The following ARRDC5 variants were observed in gnomAD, a reference collection of about 807,000 sequenced individuals.
ARRDC5 encodes the protein arrestin domain containing 5, also known as arrestin domain-containing protein 5.
ARRDC5 carries 12 observed loss-of-function variants against 13.3 expected under a neutral mutation model. The observed-to-expected ratio is 0.90, with a 90% CI of 0.58 to 1.46. The LOEUF is 1.46. Ranked by LOEUF, ARRDC5 falls within the 40% of genes most tolerant of loss-of-function variation. ARRDC5 has a pLI of 0.00. For synonymous variants in ARRDC5, 181 were observed against 173.4 expected (o/e 1.04, Z -0.34); for missense variants, 406 against 418.7 (o/e 0.97, Z 0.26).
chr19:4,913,898 A>G, the ARRDC5 span, among the ~76,000 whole-genome samples: 2 of 126,150 alleles, frequency 1.6e-5, no homozygotes, highest in Non-Finnish European at 3.2e-5. Context: ...CTCAACCTCC[A>G]CCTCCTGGGT....
chr19:4,900,116 C>G, intron 1 of ARRDC5, among the ~76,000 whole-genome samples: 1 of 147,292 alleles, frequency 6.8e-6, no homozygotes, highest in South Asian at 2.2e-4. Context: ...CCGCGCCCGG[C>G]CAGCAGTCTT....
At chr19:4,914,550 G>A in the ARRDC5 span, among the ~76,000 whole-genome samples, 1 of 152,096 alleles carries the variant, frequency 6.6e-6, no homozygotes, top group Admixed American at 6.6e-5. Flanking sequence ...TGACAGTGAT[G>A]TCACTTGATG....
the ARRDC5 span, chr19:4,909,229 C>G: frequency 1.4e-5 from 7 of 499,664 alleles, no homozygotes; most frequent in African/African-American, 4.1e-5. Flanking sequence ...CCTGGGGGTC[C>G]CCAAGGCTCC....
chr19:4,896,313 CAAAAAAAAAA>C (rs559677827), intron 2 of ARRDC5, among the ~76,000 whole-genome samples: 1 of 54,124 alleles, frequency 1.8e-5, no homozygotes, highest in African/African-American at 7.4e-5. Flanking sequence ...GACTGCATCT[CAAAAAAAAAA>C]AAAAAAATAT....
chr19:4,907,172 C>T (rs1012822923), upstream of ARRDC5, among the ~76,000 whole-genome samples: 3 of 152,170 alleles, frequency 2.0e-5, no homozygotes, highest in East Asian at 3.8e-4. Context: ...TACACTGGCT[C>T]GATCTTGGCT....
At position 4,896,552 on chromosome 19, in the gene ARRDC5, G is replaced by A. The variant is rs1435492584; in HGVS notation, c.459+119C>T. The A allele has an allele frequency of 4.2e-6, 3 of 718,372 alleles. No individual in the cohort carries two copies. In the Admixed American group the frequency reaches 8.1e-5, roughly 19 times the overall value. 44.5% of individuals were successfully genotyped at this position (718,372 alleles called of 1,614,324 possible). ...TTTGTGAAATCTCGGGGCCTGGGAA[G>A]CTGCCAACACCCTTCCCTTCTCCCC... On this transcript the variant is annotated intron_variant, in intron 2 of 2. Coordinates refer to ENST00000650722, the MANE Select transcript of ARRDC5 (RefSeq NM_001080523.3).
At chr19:4,912,823 G>A in the ARRDC5 span, among the ~76,000 whole-genome samples, 2 of 152,046 alleles carry the variant, frequency 1.3e-5, no homozygotes, top group Admixed American at 6.6e-5. Context: ...GCAGTGGCAC[G>A]ATCACAGCTC....
At chr19:4,909,208 G>A in the ARRDC5 span, 3 of 468,064 alleles carry the variant, frequency 6.4e-6, no homozygotes, top group African/African-American at 6.2e-5. Flanking sequence ...AAGAGTTCAG[G>A]GGGTCTGTAC....
upstream of ARRDC5, among the ~76,000 whole-genome samples, chr19:4,905,053 A>G (rs1402853696): frequency 1.4e-5 from 2 of 146,048 alleles, no homozygotes; most frequent in African/African-American, 5.0e-5. Flanking sequence ...CCCCTGACCC[A>G]CGGGCCACAT....
upstream of ARRDC5, among the ~76,000 whole-genome samples, chr19:4,905,699 G>T (rs2032052460): frequency 6.6e-6 from 1 of 151,900 alleles, no homozygotes; most frequent in Admixed American, 6.6e-5. Flanking sequence ...TGTATTTTTA[G>T]TAGAGACGGG....
intron 2 of ARRDC5, among the ~76,000 whole-genome samples, chr19:4,894,790 G>T: frequency 6.6e-6 from 1 of 151,962 alleles, no homozygotes; most frequent in Non-Finnish European, 1.5e-5. Flanking sequence ...ACTGCAGGAA[G>T]TCAGGTATGT....
At chr19:4,892,455 C>T (rs2031546101) in intron 2 of ARRDC5, among the ~76,000 whole-genome samples, 2 of 149,366 alleles carry the variant, frequency 1.3e-5, no homozygotes, top group Admixed American at 1.4e-4. Context: ...GACTTGACCT[C>T]CTGGACTCAA....
chr19:4,894,475 C>A (rs1250281758), intron 2 of ARRDC5, among the ~76,000 whole-genome samples: 1 of 127,012 alleles, frequency 7.9e-6, no homozygotes, highest in South Asian at 2.7e-4. Flanking sequence ...CCCGCCACTG[C>A]ACTCCAGCCT....
intron 1 of ARRDC5, among the ~76,000 whole-genome samples, chr19:4,902,278 A>G (rs1449383479): frequency 1.3e-5 from 2 of 152,372 alleles, no homozygotes; most frequent in South Asian, 2.1e-4. Flanking sequence ...CTGTAAAAGA[A>G]TAAGACTTCT....
upstream of ARRDC5, among the ~76,000 whole-genome samples, chr19:4,903,855 T>C (rs2032001763): frequency 1.3e-5 from 2 of 152,194 alleles, no homozygotes; most frequent in Non-Finnish European, 2.9e-5. Flanking sequence ...TGGTCTATAT[T>C]GGAAAAAACA....
At chr19:4,905,297 T>A (rs2032044255), upstream of ARRDC5, among the ~76,000 whole-genome samples, 1 of 149,920 alleles carries the variant, frequency 6.7e-6, no homozygotes, top group Non-Finnish European at 1.5e-5. Flanking sequence ...TTTTTTGTAT[T>A]TTTAGTAGAG....
chr19:4,913,978 A>C, the ARRDC5 span, among the ~76,000 whole-genome samples: 1 of 150,844 alleles, frequency 6.6e-6, no homozygotes, highest in Non-Finnish European at 1.5e-5. Context: ...TGCGCAGCTA[A>C]TTTTTTTTGT....
chr19:4,894,415 G>A (rs927640966), intron 2 of ARRDC5, among the ~76,000 whole-genome samples: 19 of 146,486 alleles, frequency 1.3e-4, no homozygotes, highest in African/African-American at 4.2e-4. Flanking sequence ...GGAGGCTGAG[G>A]CAGGAGAATG....
intron 1 of ARRDC5, among the ~76,000 whole-genome samples, chr19:4,901,875 C>T (rs78868704): frequency 0.08 from 12,149 of 151,994 alleles, 578 homozygotes; most frequent in Admixed American, 0.17. Flanking sequence ...GTCTCCCTTG[C>T]TCTTCTACCT....
Sources: allele counts gnomAD v4.1 joint callset (sites outside exome capture counted in the v4.1 genomes callset), GRCh38; gene constraint gnomAD v4.1.1; transcripts MANE v1.5; gene names NCBI Gene and HGNC (gene_info 2026-07-23, HGNC 2026-07-21).